The following KIF16B variants were observed in gnomAD, a reference collection of about 807,000 sequenced individuals.
KIF16B encodes the protein kinesin-like protein KIF16B.
In KIF16B, 98 loss-of-function variants were observed where a neutral mutation model predicts 156.3. The ratio of observed to expected loss-of-function variants is 0.63; its 90% confidence interval spans 0.53 to 0.74. The LOEUF is 0.74. KIF16B is among the 30% of genes least tolerant of loss of function. The pLI is 0.00. For missense variants in KIF16B, 1,421 were observed against 1,606.5 expected (o/e 0.88, Z 1.97); for synonymous variants, 564 against 583.7 (o/e 0.97, Z 0.49).
chr20:16,415,056 T>C (rs1568955439), intron 15 of KIF16B, among the ~76,000 whole-genome samples: 1 of 152,150 alleles, frequency 6.6e-6, no homozygotes, highest in Non-Finnish European at 1.5e-5. Flanking sequence ...CAGTTTACAA[T>C]GGATTTATCA....
At chr20:16,472,533 C>T (rs1180249507) in intron 12 of KIF16B, among the ~76,000 whole-genome samples, 1 of 131,652 alleles carries the variant, frequency 7.6e-6, no homozygotes, top group Non-Finnish European at 1.6e-5. Context: ...AAAGGTAAAG[C>T]CTTCCAAAGC....
intron 23 of KIF16B, among the ~76,000 whole-genome samples, chr20:16,350,750 C>T (rs942423190): frequency 2.6e-5 from 4 of 151,910 alleles, no homozygotes; most frequent in African/African-American, 9.7e-5. Flanking sequence ...GGGAAGTTTA[C>T]AAAGGGCACA....
chr20:16,535,619 A>C (rs6044084), intron 1 of KIF16B, among the ~76,000 whole-genome samples: 1 of 151,968 alleles, frequency 6.6e-6, no homozygotes, highest in African/African-American at 2.4e-5. Flanking sequence ...CAATGTTAGC[A>C]GTGGGTTTGT....
intron 23 of KIF16B, among the ~76,000 whole-genome samples, chr20:16,338,938 A>G (rs6034458): frequency 0.4 from 61,371 of 152,058 alleles, 13,486 homozygotes; most frequent in East Asian, 0.91. Context: ...CCAGGGAATA[A>G]TGGGAAGAAA....
At chr20:16,523,333 A>G (rs2069418578) in intron 3 of KIF16B, among the ~76,000 whole-genome samples, 1 of 152,216 alleles carries the variant, frequency 6.6e-6, no homozygotes, top group African/African-American at 2.4e-5. Flanking sequence ...AACTTCAGCA[A>G]AGTCTCAGGA....
At chr20:16,292,003 G>A (rs947351995) in intron 25 of KIF16B, among the ~76,000 whole-genome samples, 3 of 152,092 alleles carry the variant, frequency 2.0e-5, no homozygotes, top group African/African-American at 7.2e-5. Flanking sequence ...TGAGAAAAAG[G>A]CAATGGCTTC....
At chr20:16,508,975 C>T (rs1465413873) in intron 6 of KIF16B, among the ~76,000 whole-genome samples, 1 of 152,208 alleles carries the variant, frequency 6.6e-6, no homozygotes, top group Non-Finnish European at 1.5e-5. Context: ...TAGCTCCCCA[C>T]TTCCCCTTCT....
At chr20:16,566,600 C>T (rs2071265303) in intron 1 of KIF16B, among the ~76,000 whole-genome samples, 1 of 152,190 alleles carries the variant, frequency 6.6e-6, no homozygotes, top group African/African-American at 2.4e-5. Context: ...TCCAGCCCCA[C>T]GAGGTGGGTC....
chr20:16,317,674 C>T (rs1302537422), intron 24 of KIF16B, among the ~76,000 whole-genome samples: 1 of 152,240 alleles, frequency 6.6e-6, no homozygotes, highest in African/African-American at 2.4e-5. Flanking sequence ...CCACCGCAAA[C>T]ACTGTCTCTG....
At chr20:16,436,402 G>A (rs992487400) in intron 12 of KIF16B, among the ~76,000 whole-genome samples, 1 of 152,144 alleles carries the variant, frequency 6.6e-6, no homozygotes, top group Admixed American at 6.6e-5. Context: ...CTCTTCCCAG[G>A]GGGAGGGAAG....
intron 22 of KIF16B, among the ~76,000 whole-genome samples, chr20:16,358,114 G>A (rs568386333): frequency 1.7e-4 from 26 of 152,188 alleles, no homozygotes; most frequent in Admixed American, 2.0e-4. Flanking sequence ...ACTCGAACCC[G>A]GGAGGCAGAG....
At chr20:16,531,107 G>A (rs2069730927) in intron 1 of KIF16B, among the ~76,000 whole-genome samples, 1 of 152,138 alleles carries the variant, frequency 6.6e-6, no homozygotes, top group African/African-American at 2.4e-5. Flanking sequence ...ACCTGCATAA[G>A]TTCCTGCTGC....
At chr20:16,403,348 T>G (rs954787044) in intron 17 of KIF16B, among the ~76,000 whole-genome samples, 1 of 152,222 alleles carries the variant, frequency 6.6e-6, no homozygotes, top group Admixed American at 6.5e-5. Context: ...AGGCAACTGC[T>G]AAAACTACTG....
At chr20:16,512,366 C>A (rs2068983608) in intron 5 of KIF16B, among the ~76,000 whole-genome samples, 1 of 152,106 alleles carries the variant, frequency 6.6e-6, no homozygotes, top group South Asian at 2.1e-4. Context: ...CCATGTCTGC[C>A]CTTGAAACTA....
chr20:16,386,522 G>A (rs976813854), intron 17 of KIF16B, among the ~76,000 whole-genome samples: 13 of 151,850 alleles, frequency 8.6e-5, no homozygotes, highest in African/African-American at 3.1e-4. Context: ...ACAGTAGAGC[G>A]CTTTCTTGGT....
At chr20:16,557,329 G>A (rs756312897) in intron 1 of KIF16B, among the ~76,000 whole-genome samples, 4 of 151,890 alleles carry the variant, frequency 2.6e-5, no homozygotes, top group African/African-American at 4.8e-5. Flanking sequence ...ACAGGCGCCT[G>A]CTACTACGCC....
chr20:16,409,974 T>TATATATATATATATGTAGGTAC (rs2065884359), intron 15 of KIF16B, among the ~76,000 whole-genome samples: 1 of 78,854 alleles, frequency 1.3e-5, no homozygotes, highest in Non-Finnish European at 2.5e-5. Context: ...TATATACATA[T>TATATATATATATATGTAGGTAC]ATATATATAT....
chr20:16,466,235 T>A (rs1600471257), intron 12 of KIF16B, among the ~76,000 whole-genome samples: 1 of 152,292 alleles, frequency 6.6e-6, no homozygotes, highest in East Asian at 1.9e-4. Flanking sequence ...TTCCACAGCT[T>A]AGAAGTCACC....
At chr20:16,479,136 C>A (rs1568583325) in intron 12 of KIF16B, among the ~76,000 whole-genome samples, 1 of 152,074 alleles carries the variant, frequency 6.6e-6, no homozygotes, top group East Asian at 1.9e-4. Context: ...TAATATGGAA[C>A]AAATATGGTA....
Sources: allele counts gnomAD v4.1 joint callset (sites outside exome capture counted in the v4.1 genomes callset), GRCh38; gene constraint gnomAD v4.1.1; transcripts MANE v1.5; gene names NCBI Gene and HGNC (gene_info 2026-07-23, HGNC 2026-07-21).